The following TMEM117 variants were observed in gnomAD, a reference collection of about 807,000 sequenced individuals.
TMEM117 encodes the protein transmembrane protein 117.
In TMEM117, 27 loss-of-function variants were observed where a neutral mutation model predicts 52.4. That is an observed-to-expected ratio of 0.51 (90% CI 0.38 to 0.71). The LOEUF is 0.71. Among genes scored for constraint, TMEM117 ranks in the 30% least tolerant of loss-of-function variants. The pLI is 0.00. For synonymous variants in TMEM117, 215 were observed against 206.3 expected, an observed-to-expected ratio of 1.04 and a Z score of -0.36; for missense variants, 556 against 630.5, an observed-to-expected ratio of 0.88 and a Z score of 1.26.
intron 2 of TMEM117, among the ~76,000 whole-genome samples, chr12:43,905,020 G>A (rs1174484529): frequency 6.6e-6 from 1 of 151,950 alleles, no homozygotes; most frequent in Non-Finnish European, 1.5e-5. Flanking sequence ...GTGCATGCTT[G>A]TAATTCCAGC....
intron 3 of TMEM117, among the ~76,000 whole-genome samples, chr12:44,130,579 A>G (rs905992520): frequency 2.6e-5 from 4 of 152,142 alleles, no homozygotes; most frequent in African/African-American, 4.8e-5. Context: ...CCAGGCTTCA[A>G]TTAGTACTAG....
intron 3 of TMEM117, among the ~76,000 whole-genome samples, chr12:44,142,784 C>G (rs914822153): frequency 6.6e-6 from 1 of 152,008 alleles, no homozygotes; most frequent in Non-Finnish European, 1.5e-5. Flanking sequence ...GTTATGTGAT[C>G]TGAGTCCCAG....
At chr12:44,009,608 A>G (rs1418526509) in intron 3 of TMEM117, 2 of 237,304 alleles carry the variant, frequency 8.4e-6, no homozygotes, top group East Asian at 1.1e-4. Context: ...TACCCAGTAT[A>G]TATTCCAACA....
intron 3 of TMEM117, among the ~76,000 whole-genome samples, chr12:44,004,631 T>G (rs1299116862): frequency 6.6e-6 from 1 of 152,172 alleles, no homozygotes; most frequent in Non-Finnish European, 1.5e-5. Context: ...TTTCATTCTT[T>G]TTAGTGGCCA....
rs1273676597 is a variant in TMEM117, at chr12:44,181,537, G to T, written c.511-29753G>T. ...TCTTGAATTGATTTTTGTATAAGGT[G>T]TAAGGAAGGGATCCAGTTTCAGCTT... On this transcript the variant is annotated intron_variant, in intron 4 of 7. Coordinates refer to ENST00000266534, the MANE Select transcript of TMEM117 (RefSeq NM_032256.3). Among the ~76,000 whole-genome samples the T allele has an allele frequency of 7.1e-3, 1,066 of 150,900 alleles. 15 individuals are homozygous for T. The highest frequency in any genetic ancestry group is 0.024 in the African/African-American group (981 of 41,386).
chr12:43,798,398 G>A, the TMEM117 span, among the ~76,000 whole-genome samples: 1 of 152,056 alleles, frequency 6.6e-6, no homozygotes, highest in East Asian at 1.9e-4. Flanking sequence ...CAATGCACAT[G>A]TTTAAGATTT....
At chr12:44,030,590 A>T (rs1946617489) in intron 3 of TMEM117, among the ~76,000 whole-genome samples, 1 of 152,246 alleles carries the variant, frequency 6.6e-6, no homozygotes, top group African/African-American at 2.4e-5. Context: ...GACTATGGAA[A>T]GGCATGGGAA....
chr12:44,352,774 A>G (rs1273954933), intron 6 of TMEM117, among the ~76,000 whole-genome samples: 2 of 152,210 alleles, frequency 1.3e-5, no homozygotes, highest in Middle Eastern at 3.4e-3. Context: ...ATGTGTCTTT[A>G]TAGCAGCATG....
At chr12:44,239,139 C>T (rs1328724704) in intron 5 of TMEM117, among the ~76,000 whole-genome samples, 1 of 152,156 alleles carries the variant, frequency 6.6e-6, no homozygotes, top group East Asian at 1.9e-4. Flanking sequence ...TAGCTTGTCA[C>T]AATCCGCTTT....
rs186344938 is a variant in TMEM117, at chr12:43,926,202, C to T, written c.278-18008C>T. 2.0e-5 allele frequency among the ~76,000 whole-genome samples: 3 copies of T among 152,290 alleles called. No homozygotes were observed. In the East Asian group the frequency reaches 5.8e-4, roughly 29 times the overall value. On this transcript the variant is annotated intron_variant, in intron 2 of 7. Transcript: ENST00000266534. ...TTCAAAATTGGCAGTGAAATTCTTA[C>T]CTGAAATCAGTAGAAGCACCAGGGT...
chr12:43,817,954 C>A, the TMEM117 span, among the ~76,000 whole-genome samples: 1 of 152,060 alleles, frequency 6.6e-6, no homozygotes, highest in Non-Finnish European at 1.5e-5. Context: ...GACTCCATGT[C>A]CACTTTTGAC....
At chr12:44,350,719 G>T (rs939431419) in intron 6 of TMEM117, among the ~76,000 whole-genome samples, 2 of 151,924 alleles carry the variant, frequency 1.3e-5, no homozygotes, top group Admixed American at 1.3e-4. Context: ...TGGCTGAAGA[G>T]TACTCTATTG....
At chr12:44,234,176 T>G (rs1949966563) in intron 5 of TMEM117, among the ~76,000 whole-genome samples, 1 of 151,492 alleles carries the variant, frequency 6.6e-6, no homozygotes, top group South Asian at 2.1e-4. Flanking sequence ...TAAAAATAGT[T>G]ATTGATTTCT....
At chr12:44,051,562 C>T (rs1946973014) in intron 3 of TMEM117, among the ~76,000 whole-genome samples, 1 of 152,104 alleles carries the variant, frequency 6.6e-6, no homozygotes, top group African/African-American at 2.4e-5. Flanking sequence ...ATTTCCTGTC[C>T]TGTCAAATGG....
intron 1 of TMEM117, among the ~76,000 whole-genome samples, chr12:43,842,094 C>A (rs1044452119): frequency 6.6e-6 from 1 of 152,082 alleles, no homozygotes; most frequent in African/African-American, 2.4e-5. Context: ...GTGGACACTT[C>A]CAAAACTGTT....
At chr12:44,255,721 G>A (rs1241071926) in intron 5 of TMEM117, among the ~76,000 whole-genome samples, 1 of 151,918 alleles carries the variant, frequency 6.6e-6, no homozygotes, top group Non-Finnish European at 1.5e-5. Flanking sequence ...AGAAAATACA[G>A]GAATAAAATA....
chr12:43,840,509 C>T (rs764682504), intron 1 of TMEM117, among the ~76,000 whole-genome samples: 3 of 152,204 alleles, frequency 2.0e-5, no homozygotes, highest in South Asian at 2.1e-4. Flanking sequence ...TGCTTCTCTT[C>T]GCTTTGTTTG....
chr12:44,007,471 A>C (rs1166502732), intron 3 of TMEM117, among the ~76,000 whole-genome samples: 1 of 152,092 alleles, frequency 6.6e-6, no homozygotes. Context: ...CACAAGACAC[A>C]GAATTCTAGC....
chr12:44,030,902 T>C (rs1446942088), intron 3 of TMEM117, among the ~76,000 whole-genome samples: 1 of 109,258 alleles, frequency 9.2e-6, no homozygotes, highest in South Asian at 2.4e-4. Context: ...AGTTTTTCTG[T>C]TATTGAATTT....
Sources: allele counts gnomAD v4.1 joint callset (sites outside exome capture counted in the v4.1 genomes callset), GRCh38; gene constraint gnomAD v4.1.1; transcripts MANE v1.5; gene names NCBI Gene and HGNC (gene_info 2026-07-23, HGNC 2026-07-21).